The following FER variants were observed in gnomAD, a reference collection of about 807,000 sequenced individuals.
FER encodes FER tyrosine kinase.
Under a neutral mutation model 111.0 loss-of-function variants are expected in FER, and 63 were observed. The observed-to-expected ratio is 0.57, with a 90% CI of 0.46 to 0.70. The LOEUF is 0.70. Among genes scored for constraint, FER ranks in the 30% least tolerant of loss-of-function variants. The pLI is 0.00. For missense variants in FER, 914 were observed against 954.0 expected (o/e 0.96, Z 0.55); for synonymous variants, 327 against 313.9 (o/e 1.04, Z -0.44).
intron 16 of FER, among the ~76,000 whole-genome samples, chr5:109,087,579 TTG>T (rs1200003199): frequency 1.3e-5 from 2 of 151,794 alleles, no homozygotes; most frequent in African/African-American, 4.8e-5. Context: ...TTACCTCTGC[TTG>T]TGTGTGTTTT....
chr5:108,873,295 A>G (rs527705998), intron 8 of FER, among the ~76,000 whole-genome samples: 21 of 152,016 alleles, frequency 1.4e-4, no homozygotes, highest in African/African-American at 4.6e-4. Context: ...GGCATGTGCC[A>G]CCATGCCTGG....
chr5:109,140,581 A>C (rs1318579780), intron 17 of FER, among the ~76,000 whole-genome samples: 2 of 152,244 alleles, frequency 1.3e-5, no homozygotes, highest in African/African-American at 2.4e-5. Flanking sequence ...AGAAAGAAAA[A>C]AAATTACTAA....
intron 10 of FER, among the ~76,000 whole-genome samples, chr5:108,902,554 G>A (rs1750188711): frequency 6.6e-6 from 1 of 152,156 alleles, no homozygotes; most frequent in Non-Finnish European, 1.5e-5. Context: ...AATAGTATAT[G>A]GGATGCAGTG....
At chr5:108,760,937 CTT>C (rs55751843) in intron 1 of FER, among the ~76,000 whole-genome samples, 2 of 147,268 alleles carry the variant, frequency 1.4e-5, no homozygotes, top group Admixed American at 6.8e-5. Flanking sequence ...CTTTTCTTTT[CTT>C]TTTTTTTTTG....
Position 109,190,926 on chromosome 5 carries a change from A to T in FER, c.*3351A>T, listed in dbSNP as rs1394651956. 2 of 152,162 alleles carry T rather than the reference A, an allele frequency of 1.3e-5. No individual in the cohort carries two copies. Among genetic ancestry groups the T allele is most frequent in the Non-Finnish European group, 2.9e-5 (2 of 68,012 alleles). 9.4% of individuals were successfully genotyped at this position (152,162 alleles called of 1,614,324 possible). ...TCATTTTAGGATTATTTTGAGAAGA[A>T]AAAATGTTTTGTAATTGAAATAGTT... On this transcript the variant is annotated 3_prime_UTR_variant, in exon 20 of 20. Coordinates refer to ENST00000281092, the MANE Select transcript of FER (RefSeq NM_005246.4).
At chr5:108,845,041 C>CATATATATATATATATATATAT (rs1232663960) in intron 5 of FER, among the ~76,000 whole-genome samples, 3 of 46,418 alleles carry the variant, frequency 6.5e-5, no homozygotes, top group Admixed American at 3.7e-4. Context: ...TATATATATA[C>CATATATATATATATATATATAT]ATATATATAT....
At chr5:108,973,587 T>C (rs1263494181) in intron 13 of FER, among the ~76,000 whole-genome samples, 1 of 152,038 alleles carries the variant, frequency 6.6e-6, no homozygotes, top group Non-Finnish European at 1.5e-5. Context: ...GAAATTACAA[T>C]CTTGTGGACA....
chr5:108,961,503 T>A (rs941731054), intron 13 of FER, among the ~76,000 whole-genome samples: 1 of 152,208 alleles, frequency 6.6e-6, no homozygotes, highest in Non-Finnish European at 1.5e-5. Context: ...TCTCACCATC[T>A]GATAGAACTA....
intron 13 of FER, among the ~76,000 whole-genome samples, chr5:108,986,364 G>T (rs1264491292): frequency 6.7e-6 from 1 of 150,318 alleles, no homozygotes; most frequent in Non-Finnish European, 1.5e-5. Context: ...CAGATGTATA[G>T]ATTGTGAAGA....
intron 2 of FER, among the ~76,000 whole-genome samples, chr5:108,791,611 AT>A (rs1220195386): frequency 6.7e-6 from 1 of 150,192 alleles, no homozygotes; most frequent in Non-Finnish European, 1.5e-5. Context: ...ATTTGTAAAT[AT>A]TTTCTCCCAT....
chr5:108,796,788 A>G (rs1198091000), intron 2 of FER, among the ~76,000 whole-genome samples: 1 of 152,122 alleles, frequency 6.6e-6, no homozygotes, highest in African/African-American at 2.4e-5. Context: ...CTCTCTGGCC[A>G]GAGCAGGTCT....
intron 3 of FER, among the ~76,000 whole-genome samples, chr5:108,829,690 TA>T: frequency 6.6e-6 from 1 of 152,282 alleles, no homozygotes; most frequent in African/African-American, 2.4e-5. Flanking sequence ...TTCATGGTTT[TA>T]TTCTACATTC....
intron 5 of FER, among the ~76,000 whole-genome samples, chr5:108,836,385 T>C (rs959207839): frequency 2.0e-5 from 3 of 152,150 alleles, no homozygotes; most frequent in Non-Finnish European, 4.4e-5. Context: ...TTTGAAATGT[T>C]AGATTTCAGT....
chr5:108,832,284 T>C (rs957209567), intron 3 of FER, among the ~76,000 whole-genome samples: 2 of 152,052 alleles, frequency 1.3e-5, no homozygotes, highest in African/African-American at 4.8e-5. Context: ...ATTTTGGAAA[T>C]AGGAAGCTAA....
intron 16 of FER, among the ~76,000 whole-genome samples, chr5:109,099,150 G>T (rs141887044): frequency 8.6e-5 from 13 of 151,388 alleles, no homozygotes; most frequent in African/African-American, 2.9e-4. Context: ...TTTAGAGAAC[G>T]TATATTTTAA....
chr5:108,755,698 C>T (rs1751020247), intron 1 of FER, among the ~76,000 whole-genome samples: 1 of 151,516 alleles, frequency 6.6e-6, no homozygotes, highest in South Asian at 2.1e-4. Flanking sequence ...GTTAGTCAGG[C>T]TTGTCACAAA....
intron 13 of FER, among the ~76,000 whole-genome samples, chr5:109,028,326 C>T (rs1286984031): frequency 6.6e-6 from 1 of 152,080 alleles, no homozygotes; most frequent in African/African-American, 2.4e-5. Flanking sequence ...GAAATAATTT[C>T]AAACAAAGTA....
At chr5:109,142,021 G>GT (rs1460896610) in intron 17 of FER, among the ~76,000 whole-genome samples, 2 of 152,066 alleles carry the variant, frequency 1.3e-5, no homozygotes, top group African/African-American at 4.8e-5. Flanking sequence ...TCCAAGGTCC[G>GT]TTTTTCCTGG....
chr5:108,900,534 AT>A (rs1749856969), intron 10 of FER, among the ~76,000 whole-genome samples: 1 of 152,204 alleles, frequency 6.6e-6, no homozygotes, highest in African/African-American at 2.4e-5. Flanking sequence ...TAAGAGACTT[AT>A]TTGAATATTG....
Sources: allele counts gnomAD v4.1 joint callset (sites outside exome capture counted in the v4.1 genomes callset), GRCh38; gene constraint gnomAD v4.1.1; transcripts MANE v1.5; gene names NCBI Gene and HGNC (gene_info 2026-07-23, HGNC 2026-07-21).